Variants in BRAT1 observed in about 807,000 individuals in gnomAD.
The protein encoded by BRAT1 is integrator complex assembly factor BRAT1.
In BRAT1, 74 loss-of-function variants were observed where a neutral mutation model predicts 70.6. That is an observed-to-expected ratio of 1.05 (90% CI 0.87 to 1.27). The LOEUF is 1.27. Among genes scored for constraint, BRAT1 ranks in the 50% most tolerant of loss-of-function variants. The pLI is 0.00. For missense variants in BRAT1, 1,203 were observed against 1,098.2 expected, an observed-to-expected ratio of 1.10 and a Z score of -1.35; for synonymous variants, 615 against 517.1, an observed-to-expected ratio of 1.19 and a Z score of -2.57.
chr7:2,538,012 A>G lies in BRAT1; in HGVS notation c.*57T>C. The G allele has an allele frequency of 6.8e-7, 1 of 1,479,468 alleles. No homozygotes were observed. Among genetic ancestry groups the G allele is most frequent in the Non-Finnish European group, 9.0e-7 (1 of 1,116,390 alleles). 91.6% of individuals were successfully genotyped at this position (1,479,468 alleles called of 1,614,324 possible). ...CCCTGGGGCTGGCAGTGTCCCACAG[A>G]AGGACATGGTGCTGCCTCCCTTGGT... On this transcript the variant is annotated 3_prime_UTR_variant, in exon 14 of 14. Coordinates refer to ENST00000340611, the MANE Select transcript of BRAT1 (RefSeq NM_152743.4).
At chr7:2,544,194 C>CTTG (rs1259145389) in intron 4 of BRAT1, 31 of 176,972 alleles carry the variant, frequency 1.8e-4, no homozygotes, top group African/African-American at 1.2e-3. Flanking sequence ...TTCGTTCCTT[C>CTTG]TTGTTGTTTT....
intron 3 of BRAT1, among the ~76,000 whole-genome samples, chr7:2,546,031 GGCAAGGGCCC>G (rs1472768418): frequency 6.6e-6 from 1 of 152,246 alleles, no homozygotes; most frequent in Non-Finnish European, 1.5e-5. Flanking sequence ...GTGGTAGACG[GGCAAGGGCCC>G]TGAAGCTCAC....
At chr7:2,546,108 C>A (rs1403810270) in intron 3 of BRAT1, among the ~76,000 whole-genome samples, 1 of 152,226 alleles carries the variant, frequency 6.6e-6, no homozygotes. Context: ...AGCTGGAAGA[C>A]ACAGCTCTGG....
In BRAT1 at chr7:2,540,993, C is replaced by G; in HGVS notation, c.1381G>C (p.Gly461Arg). 2 of 1,553,224 alleles carry G rather than the reference C, an allele frequency of 1.3e-6. No individual in the cohort carries two copies. The highest frequency in any genetic ancestry group is 1.7e-6 in the Non-Finnish European group (2 of 1,161,478). ...AVLLECLESP[G>R]SSPTVLKKAF... is the part of the protein sequence containing the mutation. ...CACCACCGTACCGTGGGGCTGGAGC[C>G]GGGGCTCTCGAGGCACTCCAGGAGG... The change falls in exon 10 of 14, where the codon GGC becomes CGC. Residue 461 changes from glycine to arginine, a missense_variant. By Grantham distance (125) the Gly-to-Arg change is moderately radical. Coordinates refer to ENST00000340611, the MANE Select transcript of BRAT1 (RefSeq NM_152743.4).
rs569180121 is a variant in BRAT1 at position 2,538,834 on chromosome 7, G to A, written c.1771-70C>T. The A allele has an allele frequency of 2.4e-4, 376 of 1,571,086 alleles. No homozygotes were observed. The Admixed American group carries it at 2.8e-3, about 12-fold the overall frequency. On this transcript the variant is annotated intron_variant, in intron 13 of 13. Coordinates refer to ENST00000340611, the MANE Select transcript of BRAT1 (RefSeq NM_152743.4). ...AGCGAGGCTCCCGCAACAGGACTCC[G>A]GTACATGATGGGGGCTGGCCCCGGA...
chr7:2,546,206 C>T (rs1347132105), intron 3 of BRAT1, among the ~76,000 whole-genome samples: 4 of 152,140 alleles, frequency 2.6e-5, no homozygotes, highest in Non-Finnish European at 4.4e-5. Context: ...TTTGGGAGGC[C>T]GAGGCAGGAT....
At chr7:2,545,077 T>C (rs1273303997) in intron 3 of BRAT1, 21 bp from the exon 4 acceptor site, 3 of 1,471,256 alleles carry the variant, frequency 2.0e-6, no homozygotes, top group Non-Finnish European at 1.8e-6. Context: ...AAAAAAGAAG[T>C]GAGGGTGGCC....
At chr7:2,545,655 A>G (rs1295377319) in intron 3 of BRAT1, among the ~76,000 whole-genome samples, 2 of 151,840 alleles carry the variant, frequency 1.3e-5, no homozygotes, top group Admixed American at 6.6e-5. Flanking sequence ...ACACCCAGCT[A>G]ATTTTTTCAT....
In BRAT1 at chr7:2,538,108, C is replaced by A; in HGVS notation, c.2427G>T (p.Thr809=). 1 of 1,591,322 alleles carries A rather than the reference C, an allele frequency of 6.3e-7. No individual in the cohort carries two copies. Among genetic ancestry groups the A allele is most frequent in the Non-Finnish European group, 8.6e-7 (1 of 1,164,158 alleles). ...PQSLLQDMLA[T]GGFLQGDEAD... is the part of the protein sequence containing the mutation. ...CCTCGTCCCCCTGCAGGAAGCCTCC[C>A]GTGGCCAGCATGTCCTGCAGGAGGG... The change falls in exon 14 of 14, where the codon ACG becomes ACT. Residue 809 remains threonine (T), a synonymous_variant. Transcript: ENST00000340611.
chr7:2,546,201 G>C (rs1280326362), intron 3 of BRAT1, among the ~76,000 whole-genome samples: 3 of 152,236 alleles, frequency 2.0e-5, no homozygotes, highest in African/African-American at 7.2e-5. Flanking sequence ...AACACTTTGG[G>C]AGGCCGAGGC....
rs1779343654 is a variant in BRAT1 at position 2,543,494 on chromosome 7, C to T, written c.803+96G>A. 1 of 1,484,898 alleles carries T rather than the reference C, an allele frequency of 6.7e-7. No homozygotes were observed. The highest frequency in any genetic ancestry group is 2.3e-5 in the Admixed American group (1 of 42,638). The allele number at this position is 1,484,898 out of a possible 1,614,324, so 92.0% of individuals were successfully genotyped here. ...GCCGCTTCACTGCAGGCCATGTCCT[C>T]AGAGAGTCTCCGGCTGCCAGTGGGA... On this transcript the variant is annotated intron_variant, in intron 5 of 13. Transcript: ENST00000340611. The surrounding 1 kb of genome is among the most constrained non-coding windows in gnomAD (Gnocchi z 5.5).
chr7:2,549,363 G>C (rs1583329051), intron 2 of BRAT1, among the ~76,000 whole-genome samples: 1 of 152,226 alleles, frequency 6.6e-6, no homozygotes, highest in South Asian at 2.1e-4. Context: ...TATAGTCCCA[G>C]CTACACTGGA....
Position 2,537,972 on chromosome 7 carries a change from CGGGCT to C in BRAT1, c.*92_*96del. The C allele has an allele frequency of 7.1e-7, 1 of 1,407,530 alleles. No individual in the cohort carries two copies. Among genetic ancestry groups the C allele is most frequent in the African/African-American group, 1.4e-5 (1 of 69,436 alleles). 87.2% of individuals were successfully genotyped at this position (1,407,530 alleles called of 1,614,324 possible). ...GTCCTGGCTTCCCCAGAGGATCCAC[CGGGCT>C]GGGCTGGAGCCCTGGGGCTGGCAGT... On this transcript the variant is annotated 3_prime_UTR_variant, in exon 14 of 14. Transcript: ENST00000340611.
intron 10 of BRAT1, chr7:2,540,269 G>T: frequency 5.5e-6 from 1 of 181,494 alleles, no homozygotes; most frequent in Non-Finnish European, 1.1e-5. Flanking sequence ...ATCTTGCTAT[G>T]TTGCCCAGGC....
rs201041622 is a variant in BRAT1, at chr7:2,543,243, A to T, written c.884T>A (p.Met295Lys). 29 of 1,610,402 alleles carry T rather than the reference A, an allele frequency of 1.8e-5. No homozygotes were observed. The Admixed American group carries it at 3.4e-4, about 19-fold the overall frequency. Residue 295 changes from methionine to lysine, a missense_variant, in exon 6 of 14, where the codon ATG (methionine) becomes AAG (lysine). Transcript: ENST00000340611. The surrounding 1 kb of genome is among the most constrained non-coding windows in gnomAD (Gnocchi z 5.5). The stretch of plus-strand genomic sequence containing the variant: ...CAGGATCCCCAAAGCCAGGGGTCCC[A>T]TGTGGGTGGGACCCAGGCAGCTCAG... ...RALSCLGPTH[M>K]GPLALGILKL...
intron 13 of BRAT1, 105 bp downstream of exon 13, chr7:2,539,074 C>T: frequency 6.7e-7 from 1 of 1,485,202 alleles, no homozygotes; most frequent in Non-Finnish European, 9.0e-7. Context: ...CCCACAGCAG[C>T]AGCTGCTCCC....
rs1175883431 is a variant in BRAT1 at position 2,552,104 on chromosome 7, ATATTTTTTTT to A, written c.127+2191_127+2200del. On this transcript the variant is annotated intron_variant, in intron 2 of 13. Transcript: ENST00000340611. ...TAAATATATATATATATATATATAT[ATATTTTTTTT>A]TTTTTTTTTTTTTTTTTTTTGAGAC... Among the ~76,000 whole-genome samples the A allele has an allele frequency of 5.2e-4, 7 of 13,372 alleles. No homozygotes were observed. In the South Asian group the frequency reaches 0.027, roughly 52 times the overall value. 8.8% of individuals were successfully genotyped at this position (13,372 alleles called of 152,430 possible).
intron 1 of BRAT1, among the ~76,000 whole-genome samples, chr7:2,555,221 C>T (rs1011490891): frequency 6.6e-6 from 1 of 152,024 alleles, no homozygotes; most frequent in African/African-American, 2.4e-5. Context: ...CTAACCGGGG[C>T]ACCGTCTGCC....
Position 2,549,977 on chromosome 7 carries a change from G to A in BRAT1, c.128-2499C>T, listed in dbSNP as rs545616035. On this transcript the variant is annotated intron_variant, in intron 2 of 13. Coordinates refer to ENST00000340611, the MANE Select transcript of BRAT1 (RefSeq NM_152743.4). ...AAACGTGTAAAGCAGCCTGGGCAAC[G>A]TGGTGAAACCCCGTCTCCGCAAAAA... 5.3e-5 allele frequency among the ~76,000 whole-genome samples: 8 copies of A among 151,426 alleles called. No individual in the cohort carries two copies. The South Asian group carries it at 1.7e-3, about 32-fold the overall frequency.
Sources: gnomAD v4.1 joint callset for allele counts (sites outside exome capture counted in the v4.1 genomes callset) on GRCh38, gnomAD v4.1.1 for gene constraint, Gnocchi (gnomAD v3.1) non-coding constraint, MANE v1.5 for transcripts, NCBI Gene and HGNC (gene_info 2026-07-23, HGNC 2026-07-21) for gene names.